Variants in MKNK1 observed in about 807,000 individuals in gnomAD.
MKNK1 encodes MAP kinase-interacting serine/threonine-protein kinase 1.
Under a neutral mutation model 49.3 loss-of-function variants are expected in MKNK1, and 30 were observed. That is an observed-to-expected ratio of 0.61 (90% CI 0.46 to 0.83). The LOEUF (loss-of-function observed/expected upper bound fraction) is 0.83. Ranked by LOEUF, MKNK1 falls within the 40% of genes least tolerant of loss-of-function variation. The pLI is 0.00. For synonymous variants in MKNK1, 176 were observed against 201.7 expected, an observed-to-expected ratio of 0.87 and a Z score of 1.08; for missense variants, 423 against 524.7, an observed-to-expected ratio of 0.81 and a Z score of 1.89.
At chr1:46,567,006 C>T (rs989943273) in intron 8 of MKNK1, among the ~76,000 whole-genome samples, 1 of 152,180 alleles carries the variant, frequency 6.6e-6, no homozygotes, top group South Asian at 2.1e-4. Flanking sequence ...AGGGGTCTCA[C>T]TATATCACCC....
chr1:46,599,552 G>A (rs1674479737), intron 1 of MKNK1, among the ~76,000 whole-genome samples: 1 of 152,224 alleles, frequency 6.6e-6, no homozygotes, highest in African/African-American at 2.4e-5. Context: ...AACTAGGCCA[G>A]TGATTCACCG....
At chr1:46,588,715 G>A (rs1186459818) in intron 2 of MKNK1, among the ~76,000 whole-genome samples, 1 of 151,484 alleles carries the variant, frequency 6.6e-6, no homozygotes, top group Non-Finnish European at 1.5e-5. Context: ...GCTGAGGCAG[G>A]AGAATGGCGT....
Position 46,572,084 on chromosome 1 carries a change from G to T in MKNK1, c.436C>A (p.Leu146Ile). 1 of 1,614,046 alleles carries T rather than the reference G, an allele frequency of 6.2e-7. No homozygotes were observed. Among genetic ancestry groups the T allele is most frequent in the South Asian group, 1.1e-5 (1 of 91,078 alleles). Residue 146 changes from leucine to isoleucine, a missense_variant, in exon 7 of 13, where the codon CTT becomes ATT. By Grantham distance (5) the Leu-to-Ile change is conservative. Coordinates refer to ENST00000371945, the MANE Select transcript of MKNK1 (RefSeq NM_001135553.4). ...SRVVRDVAAA[L>I]DFLHTKGIAH... ...TCACCTTTGGTATGCAGGAAGTCAA[G>T]GGCAGCAGCAACGTCCCGCACCACT...
intron 2 of MKNK1, chr1:46,593,900 T>C (rs1473324563): frequency 2.6e-6 from 1 of 389,060 alleles, no homozygotes; most frequent in Non-Finnish European, 4.6e-6. Context: ...TTTAGTTACA[T>C]GTTTTCCTTA....
chr1:46,567,260 G>A (rs542660617), intron 8 of MKNK1, among the ~76,000 whole-genome samples: 35 of 152,146 alleles, frequency 2.3e-4, no homozygotes, highest in African/African-American at 7.0e-4. Flanking sequence ...CCTCTCTTTC[G>A]CCTTGCCTTT....
At chr1:46,579,164 C>T (rs546822070) in intron 4 of MKNK1, among the ~76,000 whole-genome samples, 2 of 152,338 alleles carry the variant, frequency 1.3e-5, no homozygotes, top group East Asian at 3.9e-4. Flanking sequence ...TGAAGCAATA[C>T]TCCAGCTGAA....
At chr1:46,600,743 G>A (rs994262269) in intron 1 of MKNK1, among the ~76,000 whole-genome samples, 3 of 152,212 alleles carry the variant, frequency 2.0e-5, no homozygotes. Context: ...TGAATGATCT[G>A]CCTTAGTTTC....
In MKNK1 at chr1:46,560,217, G is replaced by A. The variant is rs1227358716; in HGVS notation, c.1013+17C>T. 6.2e-7 allele frequency: 1 copy of A among 1,613,838 alleles called. No individual in the cohort carries two copies. Among genetic ancestry groups the A allele is most frequent in the Non-Finnish European group, 8.5e-7 (1 of 1,179,754 alleles). The stretch of plus-strand genomic sequence containing the variant: ...GCTTGAGGAAGAGCATGGCGTGGGG[G>A]TGGTCAGAGCATTTACCTCTGGAGG... On this transcript the variant is annotated intron_variant, in intron 12 of 12. Transcript: ENST00000371945.
rs190414278 is a variant in MKNK1 at position 46,587,583 on chromosome 1, C to A, written c.-2-4254G>T. Reference sequence around the variant, plus strand: ...CTGTAATCCCAGCACTTTGGGAGGCCGAGGCAGGCAGATCACCTGAGGTTG... The same window carrying A: ...CTGTAATCCCAGCACTTTGGGAGGCAGAGGCAGGCAGATCACCTGAGGTTG... On this transcript the variant is annotated intron_variant, in intron 2 of 12. Coordinates refer to ENST00000371945, the MANE Select transcript of MKNK1 (RefSeq NM_001135553.4). Among the ~76,000 whole-genome samples, 49 of 152,128 alleles carry A rather than the reference C, an allele frequency of 3.2e-4. 1 individual carries two copies. The highest frequency in any genetic ancestry group is 2.9e-3 in the Admixed American group (44 of 15,288).
At chr1:46,564,982 C>T (rs551467139) in intron 9 of MKNK1, 59 bp downstream of exon 9, 915 of 1,534,672 alleles carry the variant, frequency 6.0e-4, no homozygotes, top group Non-Finnish European at 6.9e-4. Flanking sequence ...TCTGGACCTC[C>T]CAGCTCTGGA....
chr1:46,570,938 T>C (rs1356147374), intron 7 of MKNK1, among the ~76,000 whole-genome samples: 3 of 152,224 alleles, frequency 2.0e-5, no homozygotes, highest in African/African-American at 7.2e-5. Context: ...CTACAGTCGA[T>C]GATGTTATTA....
At chr1:46,583,171 G>T in intron 3 of MKNK1, 57 bp downstream of exon 3, 1 of 1,370,860 alleles carries the variant, frequency 7.3e-7, no homozygotes, top group Non-Finnish European at 1.0e-6. Flanking sequence ...CTCCCGGGAT[G>T]CTCCTCCCAT....
rs1331098276 is a variant in MKNK1, at chr1:46,576,651, T to C, written c.202A>G (p.Ile68Val). 4 of 1,613,992 alleles carry C rather than the reference T, an allele frequency of 2.5e-6. No individual in the cohort carries two copies. The African/African-American group carries it at 4.0e-5, about 16-fold the overall frequency. ...CGACTGTGCCCTGCTTGTTTCTCGATGATCTGTGGGAAGAATAAAATCTGT... is the reference window on the plus strand; with the variant it reads ...CGACTGTGCCCTGCTTGTTTCTCGACGATCTGTGGGAAGAATAAAATCTGT... ...QNGKEYAVKIIEKQAGHSRSR... is the reference protein window; with the variant it reads ...QNGKEYAVKIVEKQAGHSRSR... Residue 68 changes from isoleucine (I) to valine (V), a missense_variant, in exon 5 of 13, where the codon ATC becomes GTC. Ile to Val is a conservative substitution (Grantham distance 29). Transcript: ENST00000371945.
chr1:46,562,446 A>G (rs962824384), intron 10 of MKNK1, among the ~76,000 whole-genome samples: 2 of 149,116 alleles, frequency 1.3e-5, no homozygotes, highest in Non-Finnish European at 3.0e-5. Flanking sequence ...TGATCTTCTA[A>G]CAATCCTGCC....
chr1:46,558,054 T>G lies in MKNK1; in HGVS notation c.*521A>C, dbSNP rs1667287173. On this transcript the variant is annotated 3_prime_UTR_variant, in exon 13 of 13. Transcript: ENST00000371945. ...CTGAATGAGGAAGGCTCCTTGCCCTTCCCTGAATTGAGGGGATGGCTTTGC... is the reference window on the plus strand; with the variant it reads ...CTGAATGAGGAAGGCTCCTTGCCCTGCCCTGAATTGAGGGGATGGCTTTGC... 1 of 153,986 alleles carries G rather than the reference T, an allele frequency of 6.5e-6. No individual in the cohort carries two copies. Among genetic ancestry groups the G allele is most frequent in the Non-Finnish European group, 1.4e-5 (1 of 69,016 alleles). 9.5% of individuals were successfully genotyped at this position (153,986 alleles called of 1,614,324 possible).
In MKNK1 at chr1:46,558,806, G is replaced by C. The variant is rs764968412; in HGVS notation, c.1014-6C>G. The C allele has an allele frequency of 2.5e-6, 4 of 1,612,160 alleles. No individual in the cohort carries two copies. The South Asian group carries it at 4.4e-5, about 18-fold the overall frequency. On this transcript the variant is annotated splice_polypyrimidine_tract_variant and splice_region_variant and intron_variant, in intron 12 of 12. Transcript: ENST00000371945. Reference sequence around the variant, plus strand: ...GGTCCATTGTGCTGCTGTTCCTGCAGGGCCAGGGGAAAGCACAGAAAAGAG... The same window carrying C: ...GGTCCATTGTGCTGCTGTTCCTGCACGGCCAGGGGAAAGCACAGAAAAGAG...
At chr1:46,586,869 T>C (rs1672647806) in intron 2 of MKNK1, among the ~76,000 whole-genome samples, 1 of 152,226 alleles carries the variant, frequency 6.6e-6, no homozygotes, top group Admixed American at 6.5e-5. Context: ...TGGAATGCAG[T>C]GGAGTGCAGC....
At chr1:46,586,481 C>T (rs1287115239) in intron 2 of MKNK1, among the ~76,000 whole-genome samples, 1 of 152,148 alleles carries the variant, frequency 6.6e-6, no homozygotes, top group Non-Finnish European at 1.5e-5. Context: ...TTGAGTGCTC[C>T]CCTGTGTTCC....
chr1:46,560,832 C>T (rs895130114), intron 11 of MKNK1, among the ~76,000 whole-genome samples: 1 of 152,170 alleles, frequency 6.6e-6, no homozygotes, highest in African/African-American at 2.4e-5. Flanking sequence ...CATAGGATGG[C>T]AATGCTTGCC....
Sources: gnomAD v4.1 joint callset for allele counts (sites outside exome capture counted in the v4.1 genomes callset) on GRCh38, gnomAD v4.1.1 for gene constraint, MANE v1.5 for transcripts, NCBI Gene and HGNC (gene_info 2026-07-23, HGNC 2026-07-21) for gene names.